GABRE: variants seen among roughly 807,000 people sequenced by gnomAD.
The protein encoded by GABRE is gamma-aminobutyric acid receptor subunit epsilon.
In GABRE, 20 loss-of-function variants were observed where a neutral mutation model predicts 31.0. The ratio of observed to expected loss-of-function variants is 0.64; its 90% CI spans 0.45 to 0.94. The LOEUF (loss-of-function observed/expected upper bound fraction) is 0.94, where lower values mean the gene tolerates loss of function less well. GABRE is among the 40% of genes least tolerant of loss of function. The probability of loss-of-function intolerance (pLI) is 0.00; values close to 1 mark genes in which losing one functional copy is unlikely to be tolerated. For missense variants in GABRE, 420 were observed against 410.7 expected (o/e 1.02, Z -0.20); for synonymous variants, 155 against 150.6 (o/e 1.03, Z -0.21).
chrX:151,960,609 C>T (rs1033132854), intron 5 of GABRE, among the ~76,000 whole-genome samples: 3 of 111,635 alleles, frequency 2.7e-5, no homozygotes, highest in African/African-American at 6.5e-5. Flanking sequence ...ACGGCAGATT[C>T]GAGACTAAGA....
intron 7 of GABRE, 63 bp downstream of exon 7, chrX:151,955,645 C>T (rs1241014905): frequency 2.5e-6 from 3 of 1,201,963 alleles, no homozygotes; most frequent in Non-Finnish European, 1.1e-6. Context: ...GACAAGGCAA[C>T]TCTGCCCTGG....
chrX:151,964,935 G>A (rs1036597978), intron 3 of GABRE, among the ~76,000 whole-genome samples: 15 of 111,601 alleles, frequency 1.3e-4, no homozygotes, highest in African/African-American at 4.2e-4. Context: ...GGCGGATCAC[G>A]AAGTCAGGAG....
chrX:151,959,919 T>C lies in GABRE; in HGVS notation c.704A>G (p.Asn235Ser), dbSNP rs1416623255. ...GAAGAGCTTCCAGGAGTTCTTCTCA[T>C]TGATTTCAAGCTTGAAATTTTCCCA... ...YKWENFKLEI[N>S]EKNSWKLFQF... Residue 235 changes from asparagine (N) to serine (S), a missense_variant, in exon 6 of 9, where the codon AAT (asparagine) becomes AGT (serine). Asn to Ser is a conservative substitution (Grantham distance 46, BLOSUM62 1). Transcript: ENST00000370328. 5.0e-6 allele frequency: 6 copies of C among 1,207,349 alleles called. No individual in the cohort carries two copies. The highest frequency in any genetic ancestry group is 5.6e-6 in the Non-Finnish European group (5 of 892,797).
chrX:151,972,295 C>T, intron 1 of GABRE: 1 of 754,025 alleles, frequency 1.3e-6, no homozygotes, highest in South Asian at 6.8e-5. Flanking sequence ...TTGGAAAATA[C>T]AGTTTCTACT....
chrX:151,974,004 G>T (rs990735712), intron 1 of GABRE, among the ~76,000 whole-genome samples: 1 of 111,231 alleles, frequency 9.0e-6, no homozygotes, highest in South Asian at 3.9e-4. Flanking sequence ...GCACCAACAG[G>T]AGCAGCGGCA....
At chrX:151,956,000 C>T in intron 6 of GABRE, 140 bp from the exon 7 acceptor site, 3 of 582,774 alleles carry the variant, frequency 5.1e-6, no homozygotes, top group East Asian at 3.5e-5. Context: ...GCAATACATA[C>T]AAATAGGACC....
Position 151,969,708 on chromosome X carries a change from G to A in GABRE, c.303C>T (p.Ile101=), listed in dbSNP as rs778442140. The A allele has an allele frequency of 2.9e-4, 349 of 1,207,481 alleles. No individual in the cohort carries two copies. The Middle Eastern group carries it at 4.2e-3, about 14-fold the overall frequency. ...GEKPTVVTVE[I]SVNSLGPLSI... is the part of the protein sequence containing the mutation. ...AGAGAGGACCAAGGCTGTTGACGGA[G>A]ATCTCAACAGTGACCACAGTGGGCT... The change falls in exon 3 of 9, where the codon ATC becomes ATT. Residue 101 remains isoleucine (I), a synonymous_variant. Coordinates refer to ENST00000370328, the MANE Select transcript of GABRE (RefSeq NM_004961.4).
intron 1 of GABRE, 32 bp from the exon 2 acceptor site, chrX:151,970,434 C>A (rs1934658968): frequency 8.4e-7 from 1 of 1,192,412 alleles, no homozygotes; most frequent in Non-Finnish European, 1.1e-6. Context: ...TGAAGCTCTG[C>A]CCTGCACTCT....
In GABRE at chrX:151,955,029, G is replaced by A. The variant is rs201020049; in HGVS notation, c.1193C>T (p.Ala398Val). The change falls in exon 9 of 9, where the codon GCC (alanine) becomes GTC (valine). Residue 398 changes from alanine (A) to valine (V), a missense_variant. Physicochemically the swap from Ala to Val is moderately conservative, Grantham distance 64. Coordinates refer to ENST00000370328, the MANE Select transcript of GABRE (RefSeq NM_004961.4). ...CACAAAAGCTTCCTGATGTTGGCGG[G>A]CACAGGCTCGGGAACGTGCACGGGT... ...ARTRARSRAC[A>V]RQHQEAFVCQ... 4 of 1,201,661 alleles carry A rather than the reference G, an allele frequency of 3.3e-6. No individual in the cohort carries two copies. Among genetic ancestry groups the A allele is most frequent in the Admixed American group, 4.4e-5 (2 of 45,019 alleles).
At chrX:151,973,961 C>A (rs2124189844) in intron 1 of GABRE, among the ~76,000 whole-genome samples, 1 of 111,196 alleles carries the variant, frequency 9.0e-6, no homozygotes, top group South Asian at 3.9e-4. Flanking sequence ...TGCGGGAACC[C>A]TTAGACTAAA....
Position 151,955,499 on chromosome X carries a change from A to G in GABRE, c.1006T>C (p.Tyr336His). The G allele has an allele frequency of 8.3e-7, 1 of 1,211,894 alleles. No homozygotes were observed. Among genetic ancestry groups the G allele is most frequent in the Non-Finnish European group, 1.1e-6 (1 of 895,289 alleles). Residue 336 changes from tyrosine to histidine, a missense_variant, in exon 8 of 9, where the codon TAT (tyrosine) becomes CAT (histidine). Transcript: ENST00000370328. Reference protein sequence around the residue: ...FSRKNFPRVSYITALDFYIAI... With the variant: ...FSRKNFPRVSHITALDFYIAI... The stretch of plus-strand genomic sequence containing the variant: ...ATATAGAAATCCAAGGCTGTGATAT[A>G]GGAGACACGCGGGAAATTCTTACGA...
chrX:151,972,281 G>A (rs1934730655), intron 1 of GABRE: 1 of 753,952 alleles, frequency 1.3e-6, no homozygotes, highest in African/African-American at 2.3e-5. Context: ...GGGAAGAACT[G>A]GGCTTGGAAA....
intron 8 of GABRE, 24 bp downstream of exon 8, chrX:151,955,341 GCCA>G: frequency 2.5e-6 from 3 of 1,209,377 alleles, no homozygotes; most frequent in East Asian, 5.9e-5. Context: ...CCAAAGCCTT[GCCA>G]CCACTCCCAT....
intron 1 of GABRE, among the ~76,000 whole-genome samples, 168 bp downstream of exon 1, chrX:151,974,402 G>A (rs1934828682): frequency 9.0e-6 from 1 of 111,420 alleles, no homozygotes; most frequent in Non-Finnish European, 1.9e-5. Flanking sequence ...GGCCGAGGCC[G>A]GCGCGCATCG....
intron 4 of GABRE, 90 bp downstream of exon 4, chrX:151,962,333 G>T: frequency 1.2e-6 from 1 of 808,065 alleles, no homozygotes; most frequent in Non-Finnish European, 1.8e-6. Flanking sequence ...GTATCATTCA[G>T]GATGAGATCT....
At chrX:151,957,629 C>A in intron 6 of GABRE, 1 of 248,708 alleles carries the variant, frequency 4.0e-6, no homozygotes, top group Non-Finnish European at 7.5e-6. Flanking sequence ...CAAAAAAGAA[C>A]CTTCTCCGCT....
intron 3 of GABRE, among the ~76,000 whole-genome samples, chrX:151,968,199 T>C (rs2044811040): frequency 8.9e-6 from 1 of 111,904 alleles, no homozygotes; most frequent in Admixed American, 9.4e-5. Flanking sequence ...GTGAGTGGTC[T>C]TGGAAATGGA....
At chrX:151,963,168 T>C (rs1934433552) in intron 3 of GABRE, among the ~76,000 whole-genome samples, 1 of 112,133 alleles carries the variant, frequency 8.9e-6, no homozygotes, top group African/African-American at 3.2e-5. Context: ...CACATATCTT[T>C]AATGGGGCAT....
At chrX:151,962,194 T>C (rs1934402543) in intron 4 of GABRE, among the ~76,000 whole-genome samples, 1 of 111,926 alleles carries the variant, frequency 8.9e-6, no homozygotes, top group Admixed American at 9.5e-5. Context: ...AGTAACTGAG[T>C]ACCAGTTCCA....
Sources: gnomAD v4.1 joint callset for allele counts (sites outside exome capture counted in the v4.1 genomes callset) on GRCh38, gnomAD v4.1.1 for gene constraint, MANE v1.5 for transcripts, NCBI Gene and HGNC (gene_info 2026-07-23, HGNC 2026-07-21) for gene names.